The following UNC79 variants were observed in gnomAD, a reference collection of about 807,000 sequenced individuals.
UNC79 encodes protein unc-79 homolog.
A neutral mutation model predicts 283.1 loss-of-function variants in UNC79; 37 were observed. The ratio of observed to expected loss-of-function variants is 0.13; its 90% CI spans 0.10 to 0.17. UNC79 has a LOEUF of 0.17. Among genes scored for constraint, UNC79 ranks in the 10% least tolerant of loss-of-function variants. The pLI is 1.00. For missense variants in UNC79, 2,272 were observed against 3,211.1 expected, an observed-to-expected ratio of 0.71 and a Z score of 7.07; for synonymous variants, 1,107 against 1,200.2, an observed-to-expected ratio of 0.92 and a Z score of 1.61.
intron 1 of UNC79, among the ~76,000 whole-genome samples, chr14:93,399,142 C>T (rs1399426658): frequency 6.6e-6 from 1 of 152,128 alleles, no homozygotes; most frequent in Non-Finnish European, 1.5e-5. Flanking sequence ...CTTGTGAGAA[C>T]TCACTCACTA....
At chr14:93,655,137 G>T in intron 37 of UNC79, 97 bp from the exon 41 acceptor site, 1 of 1,392,094 alleles carries the variant, frequency 7.2e-7, no homozygotes, top group Non-Finnish European at 9.9e-7. Context: ...CACGTTTATA[G>T]CCTGAAGATG....
At chr14:93,347,543 C>A in intron 1 of UNC79, 1 of 998,882 alleles carries the variant, frequency 1.0e-6, no homozygotes, top group South Asian at 2.3e-5. Context: ...GTTCCTGTGG[C>A]TTGGTCGCCT....
intron 46 of UNC79, among the ~76,000 whole-genome samples, chr14:93,692,767 A>C (rs1182795389): frequency 6.6e-6 from 1 of 152,214 alleles, no homozygotes; most frequent in African/African-American, 2.4e-5. Flanking sequence ...TCATTGAACC[A>C]GTGTGGAGTA....
intron 1 of UNC79, among the ~76,000 whole-genome samples, chr14:93,346,837 CAGGAGAGTTT>C (rs1412433510): frequency 1.3e-5 from 2 of 151,810 alleles, no homozygotes; most frequent in Non-Finnish European, 2.9e-5. Flanking sequence ...GGGAGGGTGG[CAGGAGAGTTT>C]AGGAGAGGAT....
chr14:93,611,789 C>G (rs1157603675), intron 26 of UNC79, among the ~76,000 whole-genome samples: 2 of 151,976 alleles, frequency 1.3e-5, no homozygotes, highest in African/African-American at 4.8e-5. Context: ...GTGTGCTGAT[C>G]TAACCCACCA....
At chr14:93,490,929 GTT>G (rs2058693271) in intron 5 of UNC79, among the ~76,000 whole-genome samples, 1 of 152,180 alleles carries the variant, frequency 6.6e-6, no homozygotes, top group East Asian at 1.9e-4. Context: ...CCAATTTTCT[GTT>G]TTAGTCCATT....
chr14:93,702,799 T>C (rs1306033968), intron 47 of UNC79, among the ~76,000 whole-genome samples: 1 of 152,200 alleles, frequency 6.6e-6, no homozygotes, highest in African/African-American at 2.4e-5. Context: ...TCAAGATTTG[T>C]CTCTGCAGGT....
intron 1 of UNC79, among the ~76,000 whole-genome samples, chr14:93,457,419 G>A (rs933148031): frequency 1.3e-5 from 2 of 152,208 alleles, no homozygotes; most frequent in African/African-American, 4.8e-5. Context: ...TACCTACTGG[G>A]GAAATGGGTA....
chr14:93,641,083 G>A, intron 32 of UNC79, 62 bp from the exon 36 acceptor site: 1 of 1,411,956 alleles, frequency 7.1e-7, no homozygotes, highest in Non-Finnish European at 9.8e-7. Flanking sequence ...GGAGAACCAG[G>A]CCTTTCTTGG....
intron 26 of UNC79, among the ~76,000 whole-genome samples, chr14:93,609,337 T>C (rs2066127780): frequency 6.6e-6 from 1 of 152,114 alleles, no homozygotes; most frequent in Admixed American, 6.6e-5. Context: ...CCATTTCGGG[T>C]GAAATAATAG....
exon 47 of UNC79, chr14:93,694,364 T>A: frequency 6.2e-7 from 1 of 1,611,688 alleles, no homozygotes; most frequent in Non-Finnish European, 8.5e-7. Context: ...TCCATGTGAT[T>A]AGTTTAATGG....
intron 28 of UNC79, 64 bp from the exon 30 acceptor site, chr14:93,618,128 C>A: frequency 1.3e-6 from 2 of 1,519,122 alleles, no homozygotes; most frequent in African/African-American, 1.4e-5. Context: ...CCAGCAAGAT[C>A]AGGTGGAAAA....
intron 1 of UNC79, among the ~76,000 whole-genome samples, chr14:93,355,216 C>G (rs1017143464): frequency 2.0e-5 from 3 of 151,348 alleles, no homozygotes; most frequent in African/African-American, 7.3e-5. Context: ...CCCCCTGAGA[C>G]AGAGTTTTGC....
rs572950726 is a variant in UNC79, at chr14:93,488,627, C to T, written c.712+872C>T. Among the ~76,000 whole-genome samples, 4 of 152,122 alleles carry T rather than the reference C, an allele frequency of 2.6e-5. No homozygotes were observed. In the South Asian group the frequency reaches 6.2e-4, roughly 24 times the overall value. ...TGGAGTGTCATCTTCTGTCTTAGTC[C>T]GTTGGGTTGTAACAGAAATATAAAC... On this transcript the variant is annotated intron_variant, in intron 5 of 48. Coordinates refer to ENST00000555664, the Ensembl canonical transcript of UNC79.
intron 11 of UNC79, 148 bp downstream of exon 11, chr14:93,532,726 A>T: frequency 1.1e-6 from 1 of 920,362 alleles, no homozygotes; most frequent in Non-Finnish European, 1.6e-6. Flanking sequence ...ATAATTTAGC[A>T]TGCAAGATTG....
chr14:93,600,652 C>T lies in UNC79; in HGVS notation c.3456C>T (p.His1152=), dbSNP rs144355898. 9.0e-4 allele frequency: 1,458 copies of T among 1,613,676 alleles called. 12 individuals carry two copies. In the African/African-American group the frequency reaches 0.017, roughly 19 times the overall value. ...TTTTGAGCAAGCTTTTACTCTTGCA[C>T]TTTCTTAAGCAGGATATTCCTGCTC... is the stretch of plus-strand genomic sequence containing the variant. Residue 1152 remains histidine (H), a synonymous_variant, in exon 25 of 49, where the codon CAC becomes CAT. Transcript: ENST00000555664.
chr14:93,442,781 A>G (rs1310770645), intron 1 of UNC79, among the ~76,000 whole-genome samples: 1 of 152,156 alleles, frequency 6.6e-6, no homozygotes, highest in East Asian at 1.9e-4. Flanking sequence ...AACCACTACC[A>G]CAATAAAGAT....
intron 14 of UNC79, among the ~76,000 whole-genome samples, chr14:93,560,133 C>G (rs2062454446): frequency 6.6e-6 from 1 of 151,654 alleles, no homozygotes; most frequent in Non-Finnish European, 1.5e-5. Flanking sequence ...ACGGAAGGTA[C>G]AAGGTTTGAA....
In UNC79 at chr14:93,551,581, G is replaced by A. The variant is rs147415230; in HGVS notation, c.1755+8885G>A. ...ACTCAGGAACCTTAGTTTAATTTTG[G>A]ATCTCCTAAGGCCAGTGTCTGGAAT... On this transcript the variant is annotated intron_variant, in intron 14 of 48. Coordinates refer to ENST00000555664, the Ensembl canonical transcript of UNC79. 2.9e-3 allele frequency among the ~76,000 whole-genome samples: 447 copies of A among 152,266 alleles called. 1 individual carries two copies. The highest frequency in any genetic ancestry group is 4.2e-3 in the Non-Finnish European group (287 of 68,022).
Sources: gnomAD v4.1 joint callset for allele counts (sites outside exome capture counted in the v4.1 genomes callset) on GRCh38, gnomAD v4.1.1 for gene constraint, MANE v1.5 for transcripts, NCBI Gene and HGNC (gene_info 2026-07-23, HGNC 2026-07-21) for gene names.